MAP3K5: variants seen among roughly 807,000 people sequenced by gnomAD.
MAP3K5 encodes the protein ASK-1.
MAP3K5 carries 56 observed loss-of-function variants against 158.7 expected under a neutral mutation model. That is an observed-to-expected ratio of 0.35 (90% confidence interval 0.28 to 0.44). MAP3K5 has a LOEUF of 0.44. Ranked by LOEUF, MAP3K5 falls within the 20% of genes least tolerant of loss-of-function variation. The pLI, the probability that MAP3K5 is intolerant of heterozygous loss-of-function variation, is 1.00. For missense variants in MAP3K5, 1,294 were observed against 1,674.8 expected (o/e 0.77, Z 3.97); for synonymous variants, 579 against 601.7 (o/e 0.96, Z 0.55).
At chr6:136,766,255 C>T (rs1006507581) in intron 1 of MAP3K5, among the ~76,000 whole-genome samples, 3 of 152,220 alleles carry the variant, frequency 2.0e-5, no homozygotes, top group Non-Finnish European at 4.4e-5. Context: ...TGAATTGCAG[C>T]TCTAGTTTAT....
intron 5 of MAP3K5, 73 bp from the exon 6 acceptor site, chr6:136,696,130 C>G (rs1468186622): frequency 6.2e-6 from 5 of 809,712 alleles, no homozygotes; most frequent in Non-Finnish European, 1.0e-5. Context: ...TGTCTTTTGA[C>G]AACCAGATAT....
At chr6:136,730,606 C>G (rs1434550005) in intron 1 of MAP3K5, among the ~76,000 whole-genome samples, 3 of 151,494 alleles carry the variant, frequency 2.0e-5, no homozygotes, top group South Asian at 2.1e-4. Context: ...CCTGTAGTCC[C>G]AGCTACTCAG....
chr6:136,749,619 C>T (rs548879718), intron 1 of MAP3K5, among the ~76,000 whole-genome samples: 2 of 151,926 alleles, frequency 1.3e-5, no homozygotes, highest in Admixed American at 1.3e-4. Context: ...TACGAGATTT[C>T]CTGACACCCA....
At chr6:136,602,010 C>T (rs375792184) in intron 19 of MAP3K5, 31 bp from the exon 20 acceptor site, 2 of 1,586,700 alleles carry the variant, frequency 1.3e-6, no homozygotes, top group Admixed American at 1.7e-5. Flanking sequence ...GTGCAATGTG[C>T]CTTCTGAGTG....
At chr6:136,683,980 C>T (rs1444996219) in intron 7 of MAP3K5, among the ~76,000 whole-genome samples, 3 of 152,046 alleles carry the variant, frequency 2.0e-5, no homozygotes, top group Non-Finnish European at 4.4e-5. Flanking sequence ...ATCTGTAATC[C>T]CAGCACTTTG....
At chr6:136,731,578 A>G (rs185164602) in intron 1 of MAP3K5, among the ~76,000 whole-genome samples, 2 of 152,206 alleles carry the variant, frequency 1.3e-5, no homozygotes, top group Non-Finnish European at 2.9e-5. Flanking sequence ...CCTTCACTTC[A>G]TCATATCTGC....
At chr6:136,558,554 T>TAA (rs1830356052) in intron 29 of MAP3K5, among the ~76,000 whole-genome samples, 2 of 152,312 alleles carry the variant, frequency 1.3e-5, no homozygotes, top group Admixed American at 1.3e-4. Flanking sequence ...TGCATGGACT[T>TAA]AGTCTGCATC....
intron 18 of MAP3K5, among the ~76,000 whole-genome samples, chr6:136,606,357 A>G (rs1776101837): frequency 6.6e-6 from 1 of 152,196 alleles, no homozygotes; most frequent in Non-Finnish European, 1.5e-5. Context: ...TCTCAAAAAA[A>G]CAAACAAACA....
intron 3 of MAP3K5, among the ~76,000 whole-genome samples, chr6:136,702,737 C>T (rs1780905982): frequency 6.6e-6 from 1 of 152,194 alleles, no homozygotes; most frequent in Admixed American, 6.5e-5. Flanking sequence ...ACTCTGTTGC[C>T]TAGGCTGGAG....
chr6:136,612,656 A>G (rs1012204090), intron 17 of MAP3K5, among the ~76,000 whole-genome samples: 2 of 152,236 alleles, frequency 1.3e-5, no homozygotes, highest in Non-Finnish European at 2.9e-5. Flanking sequence ...TCTATACCTT[A>G]TAATTATAGT....
chr6:136,704,841 T>C (rs1263207837), intron 3 of MAP3K5, among the ~76,000 whole-genome samples: 1 of 152,116 alleles, frequency 6.6e-6, no homozygotes, highest in African/African-American at 2.4e-5. Context: ...CCATCATACC[T>C]GGCCTGAATA....
rs78333208 is a variant in MAP3K5, at chr6:136,702,076, C to G, written c.612+3034G>C. ...CTGAAACAAACCCCATGGTATAAGG[C>G]TTCAGAGTCTTCGCTGAAAATACCT... On this transcript the variant is annotated intron_variant, in intron 3 of 29. Coordinates refer to ENST00000359015, the MANE Select transcript of MAP3K5 (RefSeq NM_005923.4). Among the ~76,000 whole-genome samples, 1,093 of 152,266 alleles carry G rather than the reference C, an allele frequency of 7.2e-3. 14 individuals are homozygous for G. The highest frequency in any genetic ancestry group is 0.025 in the African/African-American group (1,056 of 41,550).
chr6:136,684,787 T>C (rs1403173800), intron 7 of MAP3K5, among the ~76,000 whole-genome samples: 3 of 152,172 alleles, frequency 2.0e-5, no homozygotes, highest in South Asian at 2.1e-4. Context: ...TGAAAAGCTA[T>C]GAGAAAAATG....
intron 8 of MAP3K5, among the ~76,000 whole-genome samples, 184 bp from the exon 9 acceptor site, chr6:136,659,562 CTG>C (rs1778914736): frequency 1.3e-5 from 2 of 152,186 alleles, no homozygotes; most frequent in Admixed American, 1.3e-4. Context: ...GAATGGAACA[CTG>C]ATACATACCA....
At chr6:136,668,226 T>A (rs961122958) in intron 8 of MAP3K5, among the ~76,000 whole-genome samples, 8 of 151,624 alleles carry the variant, frequency 5.3e-5, no homozygotes, top group African/African-American at 1.5e-4. Context: ...TAAAAAAAAA[T>A]TTTTTTAATT....
At chr6:136,602,072 C>G in intron 19 of MAP3K5, 93 bp from the exon 20 acceptor site, 1 of 930,242 alleles carries the variant, frequency 1.1e-6, no homozygotes, top group Non-Finnish European at 1.7e-6. Flanking sequence ...CCCAATGCAA[C>G]AAGATCCCTT....
intron 4 of MAP3K5, among the ~76,000 whole-genome samples, chr6:136,697,917 G>A (rs761253541): frequency 2.0e-5 from 3 of 152,064 alleles, no homozygotes; most frequent in African/African-American, 4.8e-5. Context: ...GCTAATTTTT[G>A]TATTTTTGGT....
chr6:136,647,764 T>A (rs1778334955), intron 11 of MAP3K5: 1 of 152,226 alleles, frequency 6.6e-6, no homozygotes, highest in African/African-American at 2.4e-5. Context: ...TTCATTTATC[T>A]CTTCTAGTTC....
At chr6:136,749,174 A>C (rs1582635453) in intron 1 of MAP3K5, among the ~76,000 whole-genome samples, 1 of 152,204 alleles carries the variant, frequency 6.6e-6, no homozygotes, top group East Asian at 1.9e-4. Context: ...GGAGTTCGAG[A>C]CCAGCCTGGC....
Sources: allele counts gnomAD v4.1 joint callset (sites outside exome capture counted in the v4.1 genomes callset), GRCh38; gene constraint gnomAD v4.1.1; transcripts MANE v1.5; gene names NCBI Gene and HGNC (gene_info 2026-07-23, HGNC 2026-07-21).